Variants in DCLRE1C observed in about 807,000 individuals in gnomAD.
DCLRE1C encodes the protein DNA cross-link repair 1C, also known as protein artemis.
DCLRE1C carries 47 observed loss-of-function variants against 61.4 expected under a neutral mutation model. The ratio of observed to expected loss-of-function variants is 0.77; its 90% CI spans 0.61 to 0.98. The LOEUF is 0.98. Among genes scored for constraint, DCLRE1C ranks in the 50% least tolerant of loss-of-function variants. The pLI, the probability that DCLRE1C is intolerant of heterozygous loss-of-function variation, is 0.00. For synonymous variants in DCLRE1C, 337 were observed against 287.6 expected (o/e 1.17, Z -1.74); for missense variants, 858 against 816.0 (o/e 1.05, Z -0.63).
chr10:14,941,190 T>C (rs1840795044), intron 3 of DCLRE1C, among the ~76,000 whole-genome samples: 1 of 152,240 alleles, frequency 6.6e-6, no homozygotes, highest in East Asian at 1.9e-4. Context: ...TTTTCTAATA[T>C]ATCTATTTAA....
rs41300668 is a variant in DCLRE1C, at chr10:14,909,668, T to C, written c.1157-338A>G. ...AGACCTACTGAATCCCTGAGGAAGA[T>C]AGGACCAAATAATTTGATTTTTAAG... On this transcript the variant is annotated intron_variant, in intron 13 of 13. Coordinates refer to ENST00000378278, the MANE Select transcript of DCLRE1C (RefSeq NM_001033855.3). 9.8e-3 allele frequency among the ~76,000 whole-genome samples: 1,490 copies of C among 151,866 alleles called. 27 individuals carry two copies. Among genetic ancestry groups the C allele is most frequent in the African/African-American group, 0.034 (1,425 of 41,364 alleles).
chr10:14,935,969 C>G (rs888624268), intron 5 of DCLRE1C, among the ~76,000 whole-genome samples: 1 of 152,200 alleles, frequency 6.6e-6, no homozygotes, highest in Non-Finnish European at 1.5e-5. Context: ...AAGGCAGTGG[C>G]TCAATCTTGG....
intron 3 of DCLRE1C, among the ~76,000 whole-genome samples, chr10:14,943,310 T>C (rs1841172428): frequency 6.6e-6 from 1 of 152,028 alleles, no homozygotes; most frequent in African/African-American, 2.4e-5. Flanking sequence ...GGATGCTATT[T>C]TGTCAATTGC....
At position 14,926,787 on chromosome 10, in the gene DCLRE1C, A is replaced by C. The variant is rs371454785; in HGVS notation, c.972+56T>G. 20 of 1,419,862 alleles carry C rather than the reference A, an allele frequency of 1.4e-5. No homozygotes were observed. The African/African-American group carries it at 2.1e-4, about 15-fold the overall frequency. 88.0% of individuals were successfully genotyped at this position (1,419,862 alleles called of 1,614,324 possible). ...AGAGTCAGGGGACTACCTGTCAACT[A>C]CCAAGGCTGCAGAACACTGAGCGAT... On this transcript the variant is annotated intron_variant, in intron 11 of 13. Coordinates refer to ENST00000378278, the MANE Select transcript of DCLRE1C (RefSeq NM_001033855.3).
intron 2 of DCLRE1C, 160 bp from the exon 3 acceptor site, chr10:14,945,349 C>T (rs1841514795): frequency 4.3e-6 from 6 of 1,384,224 alleles, no homozygotes; most frequent in Non-Finnish European, 5.7e-6. Context: ...ACTAGCCTGG[C>T]ATGGTTATGA....
intron 4 of DCLRE1C, among the ~76,000 whole-genome samples, chr10:14,939,102 C>G (rs975923288): frequency 2.0e-5 from 3 of 152,042 alleles, no homozygotes; most frequent in Non-Finnish European, 4.4e-5. Context: ...CTTGTCTGCC[C>G]CTTTACTATG....
At chr10:14,897,600 ATACT>A in exon 14 of DCLRE1C, 2 of 1,172,048 alleles carry the variant, frequency 1.7e-6, no homozygotes, top group Non-Finnish European at 2.3e-6. Flanking sequence ...TCTTTAAGAG[ATACT>A]TGGTACATTT....
intron 2 of DCLRE1C, chr10:14,945,471 G>A: frequency 8.5e-7 from 1 of 1,171,142 alleles, no homozygotes; most frequent in Non-Finnish European, 1.1e-6. Context: ...AGAGCACAAG[G>A]TGGGGGTGGA....
chr10:14,951,713 C>T (rs1365146505), intron 1 of DCLRE1C, among the ~76,000 whole-genome samples: 2 of 152,152 alleles, frequency 1.3e-5, no homozygotes, highest in East Asian at 1.9e-4. Flanking sequence ...TCCTAGGCCC[C>T]GCATGAGGAC....
At chr10:14,934,309 CAT>C (rs1380159255) in intron 8 of DCLRE1C, 69 bp downstream of exon 8, 16 of 1,569,004 alleles carry the variant, frequency 1.0e-5, no homozygotes, top group Non-Finnish European at 1.0e-5. Context: ...GCCTGGGCAA[CAT>C]AGCAAGACTC....
rs1834450917 is a variant in DCLRE1C, at chr10:14,907,002, A to G, written c.*1406T>C. ...TGCCACCTAAGCCTTCCAAGTAGCG[A>G]GGACTACAGGTGCACACCACCATGT... On this transcript the variant is annotated 3_prime_UTR_variant, in exon 14 of 14. Coordinates refer to ENST00000378278, the MANE Select transcript of DCLRE1C (RefSeq NM_001033855.3). Among the ~76,000 whole-genome samples the G allele has an allele frequency of 6.6e-6, 1 of 151,922 alleles. No homozygotes were observed. Among genetic ancestry groups the G allele is most frequent in the Admixed American group, 6.6e-5 (1 of 15,244 alleles).
chr10:14,898,963 G>T, exon 14 of DCLRE1C: 1 of 462,788 alleles, frequency 2.2e-6, no homozygotes, highest in Non-Finnish European at 3.8e-6. Context: ...AGCTATAGTT[G>T]TATAGCTTTT....
rs371005255 is a variant in DCLRE1C at position 14,934,659 on chromosome 10, C to A, written c.537+44G>T. 3 of 1,611,036 alleles carry A rather than the reference C, an allele frequency of 1.9e-6. No homozygotes were observed. The African/African-American group carries it at 4.0e-5, about 22-fold the overall frequency. The stretch of plus-strand genomic sequence containing the variant: ...CCCTACAAACTTCCTACTAAAAACA[C>A]GGGCACACCCAGATGATAACCCTGT... On this transcript the variant is annotated intron_variant, in intron 7 of 13. Transcript: ENST00000378278.
intron 4 of DCLRE1C, among the ~76,000 whole-genome samples, chr10:14,938,363 A>T (rs993149588): frequency 1.3e-5 from 2 of 151,778 alleles, no homozygotes; most frequent in Non-Finnish European, 2.9e-5. Flanking sequence ...TTTCCTTTTT[A>T]ATCCTCACTA....
chr10:14,901,165 C>T, downstream of DCLRE1C: 2 of 1,613,936 alleles, frequency 1.2e-6, no homozygotes, highest in Non-Finnish European at 1.7e-6. Context: ...TCAATGTTTT[C>T]ATTGATAACC....
At chr10:14,921,734 C>A (rs1432246125) in intron 12 of DCLRE1C, among the ~76,000 whole-genome samples, 1 of 152,172 alleles carries the variant, frequency 6.6e-6, no homozygotes, top group African/African-American at 2.4e-5. Context: ...CTGGGCCACT[C>A]TCTCCATCTT....
intron 1 of DCLRE1C, among the ~76,000 whole-genome samples, chr10:14,951,367 G>A (rs1842425271): frequency 7.4e-6 from 1 of 134,684 alleles, no homozygotes; most frequent in Non-Finnish European, 1.5e-5. Flanking sequence ...TCCAGCCTGG[G>A]TGACAGAGCA....
rs886046834 is a variant in DCLRE1C, at chr10:14,907,001, G to A, written c.*1407C>T. The stretch of plus-strand genomic sequence containing the variant: ...CTGCCACCTAAGCCTTCCAAGTAGC[G>A]AGGACTACAGGTGCACACCACCATG... On this transcript the variant is annotated 3_prime_UTR_variant, in exon 14 of 14. Transcript: ENST00000378278. Among the ~76,000 whole-genome samples, 16 of 151,630 alleles carry A rather than the reference G, an allele frequency of 1.1e-4. No individual in the cohort carries two copies. The highest frequency in any genetic ancestry group is 5.3e-4 in the Admixed American group (8 of 15,190).
chr10:14,936,312 T>G (rs1839901152), intron 5 of DCLRE1C, among the ~76,000 whole-genome samples: 1 of 151,176 alleles, frequency 6.6e-6, no homozygotes, highest in African/African-American at 2.4e-5. Flanking sequence ...TCTCCCTCTA[T>G]GTATTCTTTC....
Sources: allele counts gnomAD v4.1 joint callset (sites outside exome capture counted in the v4.1 genomes callset), GRCh38; gene constraint gnomAD v4.1.1; transcripts MANE v1.5; gene names NCBI Gene and HGNC (gene_info 2026-07-23, HGNC 2026-07-21).